The following RAB11FIP4 variants were observed in gnomAD, a reference collection of about 807,000 sequenced individuals.
RAB11FIP4 encodes rab11 family-interacting protein 4.
Under a neutral mutation model 74.3 loss-of-function variants are expected in RAB11FIP4, and 23 were observed. That is an observed-to-expected ratio of 0.31 (90% CI 0.22 to 0.44). The LOEUF (loss-of-function observed/expected upper bound fraction) is 0.44, where lower values mean the gene tolerates loss of function less well. Among genes scored for constraint, RAB11FIP4 ranks in the 20% least tolerant of loss-of-function variants. The probability of loss-of-function intolerance (pLI) is 1.00; values close to 1 mark genes in which losing one functional copy is unlikely to be tolerated. For synonymous variants in RAB11FIP4, 360 were observed against 359.9 expected, an observed-to-expected ratio of 1.00 and a Z score of 0.00; for missense variants, 630 against 863.9, an observed-to-expected ratio of 0.73 and a Z score of 3.39.
rs2072799045 is a variant in RAB11FIP4, at chr17:31,528,058, A to G, written c.1356+135A>G. On this transcript the variant is annotated intron_variant, in intron 11 of 14. Coordinates refer to ENST00000621161, the MANE Select transcript of RAB11FIP4 (RefSeq NM_032932.6). Reference sequence around the variant, plus strand: ...AGTGAATAACAACTTGTGTTTCTGTATTTCTGATTTTCCAAGTTTTCTACA... The same window carrying G: ...AGTGAATAACAACTTGTGTTTCTGTGTTTCTGATTTTCCAAGTTTTCTACA... 7.1e-6 allele frequency: 5 copies of G among 707,206 alleles called. No homozygotes were observed. The South Asian group carries it at 9.9e-5, about 14-fold the overall frequency. 43.8% of individuals were successfully genotyped at this position (707,206 alleles called of 1,614,324 possible). A position where few individuals can be genotyped will look rare whatever the true frequency, so the allele number is the denominator to read the frequency against.
intron 13 of RAB11FIP4, 133 bp downstream of exon 13, chr17:31,528,911 T>C (rs1450131999): frequency 2.0e-6 from 2 of 1,021,074 alleles, no homozygotes; most frequent in African/African-American, 3.2e-5. Context: ...GCAACCTGTT[T>C]GCCAGGGCTG....
At chr17:31,508,145 C>T (rs760358080) in intron 3 of RAB11FIP4, among the ~76,000 whole-genome samples, 14 of 152,160 alleles carry the variant, frequency 9.2e-5, no homozygotes, top group Non-Finnish European at 2.1e-4. Context: ...AACTCCCAAC[C>T]TTTGACATGC....
At chr17:31,519,042 T>G (rs1184371258) in intron 4 of RAB11FIP4, among the ~76,000 whole-genome samples, 2 of 108,056 alleles carry the variant, frequency 1.9e-5, no homozygotes, top group Non-Finnish European at 3.5e-5. Context: ...TGAGACGGAG[T>G]CTCGCTCTGT....
chr17:31,457,843 T>A (rs1386413197), intron 3 of RAB11FIP4, among the ~76,000 whole-genome samples: 1 of 151,972 alleles, frequency 6.6e-6, no homozygotes, highest in Non-Finnish European at 1.5e-5. Flanking sequence ...TATCCTCCCT[T>A]CCTCTCTCTC....
intron 3 of RAB11FIP4, among the ~76,000 whole-genome samples, chr17:31,459,908 G>T (rs930025503): frequency 6.6e-6 from 1 of 152,198 alleles, no homozygotes; most frequent in African/African-American, 2.4e-5. Context: ...CTTGTGTGGA[G>T]CCTGGGACTG....
intron 3 of RAB11FIP4, among the ~76,000 whole-genome samples, chr17:31,453,310 C>T (rs2071542998): frequency 7.2e-6 from 1 of 137,950 alleles, no homozygotes; most frequent in South Asian, 2.4e-4. Context: ...ATTATATTAT[C>T]ACACGACTGC....
chr17:31,432,073 T>C (rs560156163), intron 2 of RAB11FIP4, among the ~76,000 whole-genome samples, 173 bp downstream of exon 2: 1 of 152,272 alleles, frequency 6.6e-6, no homozygotes, highest in East Asian at 1.9e-4. Flanking sequence ...AGAAGGACAC[T>C]GTTGCCCCAG....
chr17:31,474,882 CA>C (rs200396532), intron 3 of RAB11FIP4, among the ~76,000 whole-genome samples: 24 of 124,234 alleles, frequency 1.9e-4, no homozygotes, highest in South Asian at 5.2e-4. Context: ...AAACAAAAAA[CA>C]AAAAAAAAAC....
chr17:31,427,310 G>C (rs2071262624), intron 1 of RAB11FIP4, among the ~76,000 whole-genome samples: 1 of 152,206 alleles, frequency 6.6e-6, no homozygotes, highest in Non-Finnish European at 1.5e-5. Context: ...TCTTTGAAGA[G>C]CCCTGTGGGA....
intron 3 of RAB11FIP4, among the ~76,000 whole-genome samples, chr17:31,486,777 G>C (rs1251922094): frequency 6.6e-6 from 1 of 152,242 alleles, no homozygotes; most frequent in Non-Finnish European, 1.5e-5. Flanking sequence ...CTCTGGCCAG[G>C]AGGCCCTCCT....
Position 31,447,753 on chromosome 17 carries a change from C to T in RAB11FIP4, c.336+13631C>T, listed in dbSNP as rs566404105. ...GGCCAGGCTGGTCTCGAACTCCTGACCTCAGGTGATCTGCCCACCTCCACC... is the reference window on the plus strand; with the variant it reads ...GGCCAGGCTGGTCTCGAACTCCTGATCTCAGGTGATCTGCCCACCTCCACC... On this transcript the variant is annotated intron_variant, in intron 3 of 14. Transcript: ENST00000621161. Among the ~76,000 whole-genome samples, 4 of 152,278 alleles carry T rather than the reference C, an allele frequency of 2.6e-5. No individual in the cohort carries two copies. The South Asian group carries it at 8.3e-4, about 32-fold the overall frequency.
intron 3 of RAB11FIP4, among the ~76,000 whole-genome samples, chr17:31,457,312 C>T (rs181426318): frequency 1.3e-5 from 2 of 152,206 alleles, no homozygotes; most frequent in East Asian, 1.9e-4. Context: ...TGTTCACTGA[C>T]GTTGACTGAG....
chr17:31,505,622 T>TATAATATATATATATAATATATA, intron 3 of RAB11FIP4, among the ~76,000 whole-genome samples: 1 of 88,944 alleles, frequency 1.1e-5, no homozygotes, highest in Non-Finnish European at 2.0e-5. Flanking sequence ...ATATATAATA[T>TATAATATATATATATAATATATA]ATAATTATAT....
In RAB11FIP4 at chr17:31,391,907, C is replaced by G. The variant is rs1468613785; in HGVS notation, c.55C>G (p.Arg19Gly). The G allele has an allele frequency of 3.0e-6, 4 of 1,331,826 alleles. 1 individual carries two copies. The Admixed American group carries it at 1.2e-4, about 42-fold the overall frequency. 82.5% of individuals were successfully genotyped at this position (1,331,826 alleles called of 1,614,324 possible). ...CCCCGCGGCTCTGCTGCGCTCCGTGCGCCGCCTGCGCGAGGTGTTCGAGGT... is the reference window on the plus strand; with the variant it reads ...CCCCGCGGCTCTGCTGCGCTCCGTGGGCCGCCTGCGCGAGGTGTTCGAGGT... Reference protein sequence around the residue: ...GAPAALLRSVRRLREVFEVCG... With the variant: ...GAPAALLRSVGRLREVFEVCG... The change falls in exon 1 of 15, where the codon CGC (arginine) becomes GGC (glycine). Residue 19 changes from arginine to glycine, a missense_variant. By Grantham distance (125) the Arg-to-Gly change is moderately radical (BLOSUM62 -2). Transcript: ENST00000621161.
intron 1 of RAB11FIP4, among the ~76,000 whole-genome samples, chr17:31,397,548 C>T (rs979000542): frequency 6.6e-6 from 1 of 152,202 alleles, no homozygotes; most frequent in African/African-American, 2.4e-5. Flanking sequence ...GGCCCAGGTG[C>T]CCTGAGCCTG....
rs779639926 is a variant in RAB11FIP4, at chr17:31,531,772, AC to A, written c.*42del. On this transcript the variant is annotated 3_prime_UTR_variant, in exon 15 of 15. Coordinates refer to ENST00000621161, the MANE Select transcript of RAB11FIP4 (RefSeq NM_032932.6). ...TGCAGAGCAGCCTTAGGACCCTGGG[AC>A]CAAGGGCAGACCCTGCCCAAGGATG... 1 of 1,376,916 alleles carries A rather than the reference AC, an allele frequency of 7.3e-7. No homozygotes were observed. Among genetic ancestry groups the A allele is most frequent in the Admixed American group, 1.7e-5 (1 of 58,648 alleles). 85.3% of individuals were successfully genotyped at this position (1,376,916 alleles called of 1,614,324 possible).
intron 1 of RAB11FIP4, among the ~76,000 whole-genome samples, chr17:31,431,220 CTG>C (rs1221894882): frequency 1.3e-5 from 2 of 152,238 alleles, no homozygotes; most frequent in Admixed American, 6.5e-5. Flanking sequence ...AGCATGGAAA[CTG>C]TTTCTGTCCT....
intron 3 of RAB11FIP4, chr17:31,487,927 G>T (rs1597947899): frequency 1.4e-5 from 8 of 563,424 alleles, no homozygotes; most frequent in Non-Finnish European, 1.6e-5. Flanking sequence ...CCCGCCCCGC[G>T]GCTCGGGTTC....
At chr17:31,419,772 G>C (rs560439756) in intron 1 of RAB11FIP4, among the ~76,000 whole-genome samples, 1 of 151,952 alleles carries the variant, frequency 6.6e-6, no homozygotes, top group Non-Finnish European at 1.5e-5. Flanking sequence ...GGATGGTCTC[G>C]ATCTCCTGAT....
Sources: gnomAD v4.1 joint callset for allele counts (sites outside exome capture counted in the v4.1 genomes callset) on GRCh38, gnomAD v4.1.1 for gene constraint, MANE v1.5 for transcripts, NCBI Gene and HGNC (gene_info 2026-07-23, HGNC 2026-07-21) for gene names.